Variants in NCKAP5 observed in about 807,000 individuals in gnomAD.
NCKAP5 encodes NCK associated protein 5, also known as nck-associated protein 5.
In NCKAP5, 92 loss-of-function variants were observed where a neutral mutation model predicts 167.0. That is an observed-to-expected ratio of 0.55 (90% confidence interval 0.47 to 0.66). The LOEUF (loss-of-function observed/expected upper bound fraction) is 0.66. Ranked by LOEUF, NCKAP5 falls within the 30% of genes least tolerant of loss-of-function variation. NCKAP5 has a pLI of 0.00. For missense variants in NCKAP5, 2,378 were observed against 2,315.0 expected (o/e 1.03, Z -0.56); for synonymous variants, 891 against 877.4 (o/e 1.02, Z -0.27).
intron 8 of NCKAP5, among the ~76,000 whole-genome samples, chr2:132,945,403 C>T (rs1031961567): frequency 6.6e-6 from 1 of 152,116 alleles, no homozygotes; most frequent in Non-Finnish European, 1.5e-5. Context: ...GTGGCAGCAA[C>T]GAAATCATCT....
At chr2:133,108,046 T>C (rs1031983976) in intron 6 of NCKAP5, among the ~76,000 whole-genome samples, 2 of 152,220 alleles carry the variant, frequency 1.3e-5, no homozygotes, top group Non-Finnish European at 2.9e-5. Context: ...CCTTCTCTTA[T>C]TGACTCTTTG....
In NCKAP5 at chr2:132,752,675, G is replaced by A. The variant is rs143187824; in HGVS notation, c.5129-20624C>T. 5.1e-4 allele frequency among the ~76,000 whole-genome samples: 78 copies of A among 152,274 alleles called. No homozygotes were observed. In the Middle Eastern group the frequency reaches 0.01, roughly 20 times the overall value. ...TTAAAATCTAATTATATGCCATTGC[G>A]TAAGTCAGGGTTCTCCAGAGAAACA... is the stretch of plus-strand genomic sequence containing the variant. On this transcript the variant is annotated intron_variant, in intron 16 of 19. Transcript: ENST00000409261.
chr2:133,277,319 T>C (rs1307529236), intron 4 of NCKAP5, among the ~76,000 whole-genome samples: 1 of 152,128 alleles, frequency 6.6e-6, no homozygotes, highest in Non-Finnish European at 1.5e-5. Context: ...AAAATTTAGA[T>C]TCAGTAAAAA....
chr2:133,156,078 G>C (rs1350746245), intron 5 of NCKAP5, among the ~76,000 whole-genome samples: 2 of 151,990 alleles, frequency 1.3e-5, no homozygotes, highest in Non-Finnish European at 1.5e-5. Flanking sequence ...TCTCTCACCT[G>C]TTTCTACACC....
intron 1 of NCKAP5, among the ~76,000 whole-genome samples, chr2:133,563,111 C>T (rs2105029124): frequency 6.6e-6 from 1 of 152,320 alleles, no homozygotes; most frequent in South Asian, 2.1e-4. Context: ...CCTTAGGTTA[C>T]CATTTTCAGG....
At position 132,782,088 on chromosome 2, in the gene NCKAP5, C is replaced by T. The variant is rs1683081510; in HGVS notation, c.4723G>A (p.Ala1575Thr). Residue 1575 changes from alanine (A) to threonine (T), a missense_variant, in exon 14 of 20, where the codon GCA becomes ACA. Ala to Thr is a moderately conservative substitution (Grantham distance 58). This residue lies in a region of NCKAP5 where 1,325 missense variants were observed against 1,274.5 expected (regional missense o/e 1.04). Coordinates refer to ENST00000409261, the MANE Select transcript of NCKAP5 (RefSeq NM_207363.3). ...TGTAAACCGCCATCTGGATTATCTG[C>T]TGACTTGGTGTCCTTGATAAGCTCA... is the stretch of plus-strand genomic sequence containing the variant. ...ENELIKDTKS[A>T]DNPDGGLQSK... 1.2e-6 allele frequency: 2 copies of T among 1,613,950 alleles called. No individual in the cohort carries two copies. The highest frequency in any genetic ancestry group is 2.7e-5 in the African/African-American group (2 of 74,944).
chr2:133,261,761 A>AT (rs1388269179), intron 4 of NCKAP5, among the ~76,000 whole-genome samples: 2 of 152,206 alleles, frequency 1.3e-5, no homozygotes, highest in African/African-American at 4.8e-5. Flanking sequence ...ATCATCTTCC[A>AT]TCATACTTGC....
chr2:133,458,690 G>A (rs1692006921), intron 3 of NCKAP5, among the ~76,000 whole-genome samples: 1 of 152,108 alleles, frequency 6.6e-6, no homozygotes, highest in South Asian at 2.1e-4. Flanking sequence ...CTCCAGAAAA[G>A]TTATGGATAC....
the NCKAP5 span, among the ~76,000 whole-genome samples, chr2:133,579,322 G>A: frequency 2.6e-3 from 398 of 152,298 alleles, 1 homozygote; most frequent in African/African-American, 8.9e-3. Flanking sequence ...TATGTACTCT[G>A]ACTATAGACT....
chr2:133,602,621 T>A, the NCKAP5 span, among the ~76,000 whole-genome samples: 1 of 152,210 alleles, frequency 6.6e-6, no homozygotes, highest in Non-Finnish European at 1.5e-5. Context: ...CTTTTGACTT[T>A]CTGGGCTAAG....
intron 11 of NCKAP5, among the ~76,000 whole-genome samples, chr2:132,806,723 C>T (rs1173253435): frequency 6.6e-6 from 1 of 152,156 alleles, no homozygotes; most frequent in African/African-American, 2.4e-5. Flanking sequence ...TGTGGGCTGT[C>T]TGTTTACTGT....
At chr2:133,666,865 G>T in the NCKAP5 span, among the ~76,000 whole-genome samples, 1 of 152,048 alleles carries the variant, frequency 6.6e-6, no homozygotes, top group African/African-American at 2.4e-5. Context: ...ACAGCAAGAT[G>T]CAGAGAAAGA....
At chr2:133,349,920 A>C (rs1392135845) in intron 3 of NCKAP5, among the ~76,000 whole-genome samples, 1 of 152,126 alleles carries the variant, frequency 6.6e-6, no homozygotes, top group African/African-American at 2.4e-5. Flanking sequence ...TATTTTTTTA[A>C]ATTTTAAAAT....
At chr2:133,260,021 C>G (rs2088825225) in intron 4 of NCKAP5, among the ~76,000 whole-genome samples, 1 of 152,108 alleles carries the variant, frequency 6.6e-6, no homozygotes, top group South Asian at 2.1e-4. Flanking sequence ...AATGAGAAAG[C>G]AATTTTTTAA....
At chr2:132,785,785 G>T (rs752391582) in intron 13 of NCKAP5, 67 bp from the exon 14 acceptor site, 3 of 1,280,302 alleles carry the variant, frequency 2.3e-6, no homozygotes, top group Non-Finnish European at 3.1e-6. Context: ...AAAAGGAAAA[G>T]TACATCATGG....
rs2089999997 is a variant in NCKAP5, at chr2:133,283,488, C to T, written c.143+19549G>A. On this transcript the variant is annotated intron_variant, in intron 4 of 19. Coordinates refer to ENST00000409261, the MANE Select transcript of NCKAP5 (RefSeq NM_207363.3). Reference sequence around the variant, plus strand: ...CCCTTTTATTTACCTAAAACATTAACTATAATTTTTAAATGGCTATTTGAT... The same window carrying T: ...CCCTTTTATTTACCTAAAACATTAATTATAATTTTTAAATGGCTATTTGAT... 2.6e-5 allele frequency among the ~76,000 whole-genome samples: 4 copies of T among 152,006 alleles called. No homozygotes were observed. In the South Asian group the frequency reaches 8.3e-4, roughly 32 times the overall value.
intron 19 of NCKAP5, among the ~76,000 whole-genome samples, chr2:132,712,705 C>T (rs1296497790): frequency 6.6e-6 from 1 of 152,166 alleles, no homozygotes; most frequent in African/African-American, 2.4e-5. Flanking sequence ...TCAGCAGTCA[C>T]AGTCCATTCA....
chr2:133,132,825 C>T (rs550658477), intron 5 of NCKAP5, among the ~76,000 whole-genome samples: 4 of 151,932 alleles, frequency 2.6e-5, no homozygotes, highest in East Asian at 3.9e-4. Flanking sequence ...TACAGGCACC[C>T]GCAACCACGC....
intron 2 of NCKAP5, among the ~76,000 whole-genome samples, chr2:133,538,673 GCTTT>G (rs1363638350): frequency 2.0e-5 from 3 of 152,084 alleles, no homozygotes; most frequent in Non-Finnish European, 4.4e-5. Flanking sequence ...GGCACCAAAA[GCTTT>G]CCATAAATGT....
Sources: gnomAD v4.1 joint callset for allele counts (sites outside exome capture counted in the v4.1 genomes callset) on GRCh38, gnomAD v4.1.1 for gene constraint, gnomAD v4.1.1 regional missense constraint, MANE v1.5 for transcripts, NCBI Gene and HGNC (gene_info 2026-07-23, HGNC 2026-07-21) for gene names.